GTSE1: variants seen among roughly 807,000 people sequenced by gnomAD.
GTSE1 encodes the protein G2 and S-phase expressed 1.
In GTSE1, 52 loss-of-function variants were observed where a neutral mutation model predicts 60.5. The ratio of observed to expected loss-of-function variants is 0.86; its 90% CI spans 0.69 to 1.08. GTSE1 has a LOEUF of 1.08. Among genes scored for constraint, GTSE1 ranks in the 50% least tolerant of loss-of-function variants. GTSE1 has a pLI of 0.00. For synonymous variants in GTSE1, 368 were observed against 386.5 expected (o/e 0.95, Z 0.56); for missense variants, 937 against 961.8 (o/e 0.97, Z 0.34).
rs56268435 is a variant in GTSE1, at chr22:46,308,787, G to T, written c.606G>T (p.Ala202=). ...GTGCCCAGGCCCGCCTCACCCGGGC[G>T]CCGGGGCCTCCGCACTCTGCTCATG... The part of the protein sequence containing the change: ...SSGAQARLTR[A]PGPPHSAHAL... Residue 202 remains alanine (A), a synonymous_variant, in exon 4 of 12, where the codon GCG becomes GCT. Transcript: ENST00000454366. 6.2e-7 allele frequency: 1 copy of T among 1,613,126 alleles called. No homozygotes were observed. The highest frequency in any genetic ancestry group is 8.5e-7 in the Non-Finnish European group (1 of 1,179,982).
intron 9 of GTSE1, among the ~76,000 whole-genome samples, chr22:46,327,970 A>G (rs1482437212): frequency 6.6e-6 from 1 of 152,240 alleles, no homozygotes; most frequent in Admixed American, 6.5e-5. Flanking sequence ...GTGTTTAACT[A>G]TCTTGTATGT....
chr22:46,312,226 C>A lies in GTSE1; in HGVS notation c.848C>A (p.Pro283His), dbSNP rs2077752484. The A allele has an allele frequency of 6.2e-7, 1 of 1,614,042 alleles. No homozygotes were observed. The highest frequency in any genetic ancestry group is 8.5e-7 in the Non-Finnish European group (1 of 1,180,004). ...ESHRDVLPDK[P>H]APGAVNVPAA... ...CACCGGGATGTTCTCCCTGACAAAC[C>A]TGCCCCGGGTGCTGTCAATGTGCCG... Residue 283 changes from proline (P) to histidine (H), a missense_variant, in exon 5 of 12, where the codon CCT (proline) becomes CAT (histidine). Coordinates refer to ENST00000454366, the MANE Select transcript of GTSE1 (RefSeq NM_016426.7).
At chr22:46,328,491 T>A (rs2077856512) in intron 9 of GTSE1, among the ~76,000 whole-genome samples, 197 bp from the exon 10 acceptor site, 1 of 152,076 alleles carries the variant, frequency 6.6e-6, no homozygotes, top group East Asian at 1.9e-4. Flanking sequence ...AGCTAAGATT[T>A]GTGAGCTGAG....
chr22:46,315,299 C>T (rs1250565635), intron 6 of GTSE1, among the ~76,000 whole-genome samples: 3 of 152,280 alleles, frequency 2.0e-5, no homozygotes, highest in East Asian at 3.9e-4. Flanking sequence ...CCTCGTGATC[C>T]GCCCGCCTTG....
At position 46,308,441 on chromosome 22, in the gene GTSE1, C is replaced by T; in HGVS notation, c.260C>T (p.Pro87Leu). 3.7e-6 allele frequency: 6 copies of T among 1,614,152 alleles called. No homozygotes were observed. Among genetic ancestry groups the T allele is most frequent in the Non-Finnish European group, 5.1e-6 (6 of 1,180,046 alleles). Residue 87 changes from proline (P) to leucine (L), a missense_variant, in exon 4 of 12, where the codon CCC (proline) becomes CTC (leucine). By Grantham distance (98) the Pro-to-Leu change is moderately conservative (BLOSUM62 -3). Coordinates refer to ENST00000454366, the MANE Select transcript of GTSE1 (RefSeq NM_016426.7). Reference protein sequence around the residue: ...EQPPLPTSESPFAWSPLAGEK... With the variant: ...EQPPLPTSESLFAWSPLAGEK... ...CCTCCGTTGCCCACATCTGAGAGTCCCTTTGCCTGGAGCCCTCTGGCCGGG... is the reference window on the plus strand; with the variant it reads ...CCTCCGTTGCCCACATCTGAGAGTCTCTTTGCCTGGAGCCCTCTGGCCGGG...
Position 46,310,083 on chromosome 22 carries a change from A to T in GTSE1, c.762+1140A>T, listed in dbSNP as rs1443224847. 1.3e-5 allele frequency among the ~76,000 whole-genome samples: 2 copies of T among 152,218 alleles called. No individual in the cohort carries two copies. The highest frequency in any genetic ancestry group is 4.8e-5 in the African/African-American group (2 of 41,470). ...CTGTCCGCACAGCTGAGATGCACTC[A>T]TGCACACGTGGGAGCCCCACCATGT... On this transcript the variant is annotated intron_variant, in intron 4 of 11. Coordinates refer to ENST00000454366, the MANE Select transcript of GTSE1 (RefSeq NM_016426.7). This position sits in a 1 kb window ranked among gnomAD's most constrained non-coding sequence, Gnocchi z 4.4.
At chr22:46,315,650 T>C (rs1010193989) in intron 6 of GTSE1, among the ~76,000 whole-genome samples, 1 of 152,242 alleles carries the variant, frequency 6.6e-6, no homozygotes, top group Non-Finnish European at 1.5e-5. Context: ...CCAGTAACAA[T>C]TGCGTCTTTT....
rs1429894900 is a variant in GTSE1, at chr22:46,304,195, G to A, written c.80-3955G>A. ...TTTTGTAGAGCTGGGGTCTCGCTAT[G>A]TTGCGAGGGCTGGCCTTGAACCCCT... On this transcript the variant is annotated intron_variant, in intron 2 of 11. Transcript: ENST00000454366. The surrounding 1 kb of genome is among the most constrained non-coding windows in gnomAD (Gnocchi z 4.4). 6.6e-6 allele frequency among the ~76,000 whole-genome samples: 1 copy of A among 151,732 alleles called. No homozygotes were observed. Among genetic ancestry groups the A allele is most frequent in the South Asian group, 2.1e-4 (1 of 4,802 alleles).
chr22:46,315,754 G>T (rs747138038), intron 6 of GTSE1, among the ~76,000 whole-genome samples: 1 of 152,088 alleles, frequency 6.6e-6, no homozygotes, highest in Non-Finnish European at 1.5e-5. Context: ...GATTTCTCCT[G>T]CCAACATAAT....
chr22:46,328,115 A>T (rs2077854235), intron 9 of GTSE1, among the ~76,000 whole-genome samples: 1 of 152,236 alleles, frequency 6.6e-6, no homozygotes, highest in South Asian at 2.1e-4. Flanking sequence ...GAAGGAATTC[A>T]GTTTTGCGTG....
chr22:46,308,254 A>G (rs778355977), intron 3 of GTSE1, 47 bp downstream of exon 3: 6 of 1,604,050 alleles, frequency 3.7e-6, no homozygotes, highest in Non-Finnish European at 3.4e-6. Flanking sequence ...AACCACATTC[A>G]GTAAAGTCTT....
Position 46,297,409 on chromosome 22 carries a change from A to AGGC in GTSE1, c.16_18dup (p.Gly6dup). 6.2e-7 allele frequency: 1 copy of AGGC among 1,613,050 alleles called. No homozygotes were observed. Among genetic ancestry groups the AGGC allele is most frequent in the Non-Finnish European group, 8.5e-7 (1 of 1,179,084 alleles). On this transcript the variant is annotated inframe_insertion, in exon 2 of 12. Transcript: ENST00000454366. This position sits in a 1 kb window ranked among gnomAD's most constrained non-coding sequence, Gnocchi z 4.9. ...TTCTGACAGCTCTCTCCATGGAAGG[A>AGGC]GGCGGCGGCCGCGATGAGCCTTCAG...
chr22:46,316,559 C>T lies in GTSE1; in HGVS notation c.1432+147C>T. On this transcript the variant is annotated intron_variant, in intron 7 of 11. Transcript: ENST00000454366. The surrounding 1 kb of genome is among the most constrained non-coding windows in gnomAD (Gnocchi z 5.0). ...AGGTGTGACCCGCTGTCTTCTCGCCCACGTTGTTTTGGGGGGTCACTGGAG... is the reference window on the plus strand; with the variant it reads ...AGGTGTGACCCGCTGTCTTCTCGCCTACGTTGTTTTGGGGGGTCACTGGAG... The T allele has an allele frequency of 3.1e-6, 2 of 648,466 alleles. No homozygotes were observed. 40.2% of individuals were successfully genotyped at this position (648,466 alleles called of 1,614,324 possible).
chr22:46,325,535 G>A (rs137949475), intron 8 of GTSE1, among the ~76,000 whole-genome samples: 1 of 151,164 alleles, frequency 6.6e-6, no homozygotes, highest in Non-Finnish European at 1.5e-5. Context: ...TTGCTCTGTT[G>A]CCCAGGCTGG....
At chr22:46,323,289 CTT>C in intron 8 of GTSE1, 27 bp downstream of exon 8, 1 of 1,551,708 alleles carries the variant, frequency 6.4e-7, no homozygotes, top group East Asian at 2.2e-5. Flanking sequence ...CGCTTCCTCT[CTT>C]TATTGCTGTA....
chr22:46,299,093 G>A (rs945359916), intron 2 of GTSE1, among the ~76,000 whole-genome samples: 3 of 152,126 alleles, frequency 2.0e-5, no homozygotes, highest in Admixed American at 6.5e-5. Flanking sequence ...CTTTTCTATC[G>A]CCAGTCAGCT....
intron 2 of GTSE1, among the ~76,000 whole-genome samples, chr22:46,307,425 C>T (rs1482686690): frequency 6.6e-6 from 1 of 152,018 alleles, no homozygotes; most frequent in Non-Finnish European, 1.5e-5. Context: ...TTGAATGAGT[C>T]AGTGAATGCA....
chr22:46,321,011 A>G lies in GTSE1; in HGVS notation c.1433-2179A>G, dbSNP rs2077809237. Among the ~76,000 whole-genome samples, 1 of 151,840 alleles carries G rather than the reference A, an allele frequency of 6.6e-6. No homozygotes were observed. The highest frequency in any genetic ancestry group is 2.4e-5 in the African/African-American group (1 of 41,326). ...GGGTCTCGGGAGAGAGGGAGCCAAC[A>G]CGGGAGGCGGCAAGGGAGAGGGAGG... is the stretch of plus-strand genomic sequence containing the variant. On this transcript the variant is annotated intron_variant, in intron 7 of 11. Transcript: ENST00000454366. This position sits in a 1 kb window ranked among gnomAD's most constrained non-coding sequence, Gnocchi z 4.0.
chr22:46,307,312 G>A (rs900956462), intron 2 of GTSE1, among the ~76,000 whole-genome samples: 4 of 152,198 alleles, frequency 2.6e-5, no homozygotes, highest in African/African-American at 4.8e-5. Flanking sequence ...TAGATGTTTT[G>A]TAGCTTGTAA....
Sources: gnomAD v4.1 joint callset for allele counts (sites outside exome capture counted in the v4.1 genomes callset) on GRCh38, gnomAD v4.1.1 for gene constraint, Gnocchi (gnomAD v3.1) non-coding constraint, MANE v1.5 for transcripts, NCBI Gene and HGNC (gene_info 2026-07-23, HGNC 2026-07-21) for gene names.